The following AGBL1 variants were observed in gnomAD, a reference collection of about 807,000 sequenced individuals.
The protein encoded by AGBL1 is cytosolic carboxypeptidase 4.
In AGBL1, 130 loss-of-function variants were observed where a neutral mutation model predicts 118.9. That is an observed-to-expected ratio of 1.09 (90% CI 0.95 to 1.26). AGBL1 has a LOEUF of 1.26. Ranked by LOEUF, AGBL1 falls within the 50% of genes most tolerant of loss-of-function variation. The probability of loss-of-function intolerance (pLI) is 0.00; values close to 1 mark genes in which losing one functional copy is unlikely to be tolerated. For synonymous variants in AGBL1, 555 were observed against 478.9 expected (o/e 1.16, Z -2.08); for missense variants, 1,584 against 1,298.1 (o/e 1.22, Z -3.38).
intron 22 of AGBL1, among the ~76,000 whole-genome samples, chr15:86,678,539 T>C (rs1231645319): frequency 6.6e-6 from 1 of 152,148 alleles, no homozygotes; most frequent in Non-Finnish European, 1.5e-5. Context: ...GTGTTAAAGG[T>C]ACTCAACTTC....
chr15:86,362,454 C>T (rs1323954081), intron 17 of AGBL1, among the ~76,000 whole-genome samples: 1 of 152,140 alleles, frequency 6.6e-6, no homozygotes, highest in Non-Finnish European at 1.5e-5. Flanking sequence ...ACTCAAAGGA[C>T]TCACTTAGGA....
At chr15:86,328,650 A>G (rs915088298) in intron 17 of AGBL1, among the ~76,000 whole-genome samples, 1 of 152,156 alleles carries the variant, frequency 6.6e-6, no homozygotes, top group African/African-American at 2.4e-5. Context: ...GACAGTGTCT[A>G]TCTCATAAAA....
Position 86,554,440 on chromosome 15 carries a change from C to G in AGBL1, c.2897C>G (p.Ala966Gly), listed in dbSNP as rs1469922068. 1.3e-6 allele frequency: 2 copies of G among 1,587,976 alleles called. No homozygotes were observed. Among genetic ancestry groups the G allele is most frequent in the Admixed American group, 1.8e-5 (1 of 55,788 alleles). The change falls in exon 21 of 23, where the codon GCT becomes GGT. Residue 966 changes from alanine to glycine, a missense_variant. Transcript: ENST00000614907. ...SCSFLVEKSR[A>G]STARVVVWRE... ...AGCTTTCTCGTGGAGAAATCTCGAGCTTCCACGGCCCGGGTGGTGGTGTGG... is the reference window on the plus strand; with the variant it reads ...AGCTTTCTCGTGGAGAAATCTCGAGGTTCCACGGCCCGGGTGGTGGTGTGG...
chr15:86,419,715 T>C (rs1358204584), intron 18 of AGBL1, among the ~76,000 whole-genome samples: 1 of 152,200 alleles, frequency 6.6e-6, no homozygotes, highest in Non-Finnish European at 1.5e-5. Flanking sequence ...ATTCACTGGC[T>C]TGAAATTCTC....
At chr15:86,722,560 G>C (rs1218143257) in intron 22 of AGBL1, among the ~76,000 whole-genome samples, 2 of 152,170 alleles carry the variant, frequency 1.3e-5, no homozygotes, top group Non-Finnish European at 2.9e-5. Flanking sequence ...AACCCTAGAA[G>C]AAAACCTAGG....
intron 21 of AGBL1, among the ~76,000 whole-genome samples, chr15:86,667,639 C>T (rs1168928775): frequency 1.3e-5 from 2 of 152,014 alleles, no homozygotes. Flanking sequence ...TATGTAAACT[C>T]AGATATTTTT....
At chr15:86,962,973 A>G (rs72755672) in intron 23 of AGBL1, among the ~76,000 whole-genome samples, 5,943 of 152,200 alleles carry the variant, frequency 0.039, 158 homozygotes, top group Middle Eastern at 0.071. Context: ...ACATGTAATT[A>G]AGGTTAATTG....
At chr15:86,650,479 G>GT (rs748008324) in intron 21 of AGBL1, among the ~76,000 whole-genome samples, 3 of 152,128 alleles carry the variant, frequency 2.0e-5, no homozygotes, top group Admixed American at 6.6e-5. Context: ...TGTTATTGTG[G>GT]TTTTTTCTGG....
intron 1 of AGBL1, among the ~76,000 whole-genome samples, chr15:86,131,964 A>C (rs1001668533): frequency 6.6e-6 from 1 of 150,568 alleles, no homozygotes; most frequent in Non-Finnish European, 1.5e-5. Context: ...AAAAAAAAAA[A>C]TCATAACGTT....
Position 86,124,348 on chromosome 15 carries a change from CAAAG to C in AGBL1, c.52-17652_52-17649del, listed in dbSNP as rs377012436. Among the ~76,000 whole-genome samples the C allele has an allele frequency of 4.6e-4, 59 of 127,152 alleles. 1 individual carries two copies. The highest frequency in any genetic ancestry group is 4.2e-3 in the Middle Eastern group (1 of 240). 83.4% of individuals were successfully genotyped at this position (127,152 alleles called of 152,430 possible). ...CTGTCTCAAAAAAAAAAAAAAAAAA[CAAAG>C]AAAACCCCCAAAAATCCCAAAAAAC... is the stretch of plus-strand genomic sequence containing the variant. On this transcript the variant is annotated intron_variant, in intron 1 of 22. Transcript: ENST00000614907.
chr15:86,763,692 G>C (rs2078058594), intron 22 of AGBL1, among the ~76,000 whole-genome samples: 1 of 151,990 alleles, frequency 6.6e-6, no homozygotes, highest in Non-Finnish European at 1.5e-5. Flanking sequence ...GAATCAGAAG[G>C]ACTGTGTCCT....
intron 1 of AGBL1, among the ~76,000 whole-genome samples, chr15:86,138,762 C>A (rs762390583): frequency 6.6e-6 from 1 of 152,100 alleles, no homozygotes; most frequent in Non-Finnish European, 1.5e-5. Context: ...CTAATGACTT[C>A]AGCATTTTAA....
chr15:86,669,452 G>A (rs1008944247), intron 21 of AGBL1, among the ~76,000 whole-genome samples: 1 of 152,252 alleles, frequency 6.6e-6, no homozygotes, highest in African/African-American at 2.4e-5. Flanking sequence ...CATAACATAC[G>A]TTGAATATTA....
intron 17 of AGBL1, among the ~76,000 whole-genome samples, chr15:86,323,744 C>A (rs778322704): frequency 2.0e-5 from 3 of 152,214 alleles, no homozygotes; most frequent in Non-Finnish European, 2.9e-5. Flanking sequence ...TCTGTATACT[C>A]AACACTGTCA....
intron 23 of AGBL1, among the ~76,000 whole-genome samples, chr15:86,977,536 A>G (rs1408654001): frequency 6.6e-6 from 1 of 151,732 alleles, no homozygotes; most frequent in African/African-American, 2.4e-5. Flanking sequence ...AAAGCTGTTT[A>G]TTTTCCTTAA....
At chr15:86,772,281 C>A (rs1021706960) in intron 22 of AGBL1, among the ~76,000 whole-genome samples, 1 of 152,028 alleles carries the variant, frequency 6.6e-6, no homozygotes, top group Non-Finnish European at 1.5e-5. Context: ...CTGATCCCAG[C>A]CACAGTAGCT....
intron 22 of AGBL1, among the ~76,000 whole-genome samples, chr15:86,723,474 G>T (rs919568022): frequency 7.9e-5 from 12 of 152,118 alleles, no homozygotes; most frequent in African/African-American, 2.9e-4. Context: ...ATGGACACAG[G>T]AAGGGGAACA....
chr15:86,210,039 G>C (rs2078064818), intron 5 of AGBL1, among the ~76,000 whole-genome samples: 1 of 152,130 alleles, frequency 6.6e-6, no homozygotes, highest in African/African-American at 2.4e-5. Context: ...GCATTTACTT[G>C]TCTGTAAAGG....
intron 5 of AGBL1, among the ~76,000 whole-genome samples, chr15:86,185,470 G>A (rs62013764): frequency 2.0e-3 from 308 of 152,132 alleles, no homozygotes; most frequent in African/African-American, 7.2e-3. Flanking sequence ...TGTTTATTGC[G>A]GCACTATTCA....
Sources: allele counts gnomAD v4.1 joint callset (sites outside exome capture counted in the v4.1 genomes callset), GRCh38; gene constraint gnomAD v4.1.1; transcripts MANE v1.5; gene names NCBI Gene and HGNC (gene_info 2026-07-23, HGNC 2026-07-21).